Variants in OC90 observed in about 807,000 individuals in gnomAD.
OC90 encodes the protein otoconin 90, also known as otoconin-90.
In OC90, 46 loss-of-function variants were observed where a neutral mutation model predicts 47.3. The observed-to-expected ratio is 0.97, with a 90% CI of 0.77 to 1.24. The LOEUF (loss-of-function observed/expected upper bound fraction) is 1.24. OC90 is among the 50% of genes most tolerant of loss of function. OC90 has a pLI of 0.00. For missense variants in OC90, 688 were observed against 583.9 expected, an observed-to-expected ratio of 1.18 and a Z score of -1.84; for synonymous variants, 271 against 219.5, an observed-to-expected ratio of 1.23 and a Z score of -2.07.
At chr8:132,029,000 C>T in intron 13 of OC90, 73 bp downstream of exon 13, 1 of 1,041,396 alleles carries the variant, frequency 9.6e-7, no homozygotes, top group Non-Finnish European at 1.5e-6. Context: ...GGAAACCATC[C>T]ACAAGTCTGA....
At position 132,039,087 on chromosome 8, in the gene OC90, C is replaced by T; in HGVS notation, c.494G>A (p.Cys165Tyr). The T allele has an allele frequency of 1.9e-6, 3 of 1,613,068 alleles. No homozygotes were observed. Among genetic ancestry groups the T allele is most frequent in the Non-Finnish European group, 8.5e-7 (1 of 1,179,610 alleles). ...KDNCEHLLCT[C>Y]DKAAIECLAR... Reference sequence around the variant, plus strand: ...CAAGCACTCTATGGCAGCCTTATCACAGGTACACAGCAGGTGCTCACAGTT... The same window carrying T: ...CAAGCACTCTATGGCAGCCTTATCATAGGTACACAGCAGGTGCTCACAGTT... Residue 165 changes from cysteine (C) to tyrosine (Y), a missense_variant, in exon 7 of 14, where the codon TGT becomes TAT. By Grantham distance (194) the Cys-to-Tyr change is radical (BLOSUM62 -2). Coordinates refer to ENST00000254627, the MANE Select transcript of OC90 (RefSeq NM_001080399.3).
intron 2 of OC90, chr8:132,049,717 C>T (rs1245161456): frequency 2.2e-6 from 1 of 461,192 alleles, no homozygotes; most frequent in Non-Finnish European, 4.6e-6. Flanking sequence ...AGCTATATAA[C>T]CTTCTTCACA....
chr8:132,030,557 A>T (rs1822858975), intron 12 of OC90, among the ~76,000 whole-genome samples: 1 of 152,194 alleles, frequency 6.6e-6, no homozygotes, highest in Non-Finnish European at 1.5e-5. Flanking sequence ...GCCTTGTCTC[A>T]TTGAGGGCTA....
chr8:132,038,991 C>G lies in OC90; in HGVS notation c.586+4G>C, dbSNP rs1047123882. 2 of 1,613,838 alleles carry G rather than the reference C, an allele frequency of 1.2e-6. No homozygotes were observed. The highest frequency in any genetic ancestry group is 3.3e-5 in the Admixed American group (2 of 60,010). On this transcript the variant is annotated splice_donor_region_variant and intron_variant, in intron 7 of 13. Coordinates refer to ENST00000254627, the MANE Select transcript of OC90 (RefSeq NM_001080399.3). ...CACGGCTGATGCAGCCAGGTTCTTCCTACCTGGAGTCTGAGCCAGGCAGAA... is the reference window on the plus strand; with the variant it reads ...CACGGCTGATGCAGCCAGGTTCTTCGTACCTGGAGTCTGAGCCAGGCAGAA...
At chr8:132,050,804 C>T (rs574011437) in intron 2 of OC90, among the ~76,000 whole-genome samples, 2 of 152,098 alleles carry the variant, frequency 1.3e-5, no homozygotes, top group Non-Finnish European at 2.9e-5. Flanking sequence ...AGTTCAAGAC[C>T]AGCCTGACCA....
Position 132,031,903 on chromosome 8 carries a change from C to T in OC90, c.1009G>A (p.Glu337Lys), listed in dbSNP as rs764819731. ...GCYCGQEGRG[E>K]PRDDLDRCCL... is the part of the protein sequence containing the mutation. ...TACCTGTCTAGGTCATCCCTTGGCT[C>T]GCCTCTTCCTTCTTGTCCACAGTAA... Residue 337 changes from glutamate (E) to lysine (K), a missense_variant, in exon 12 of 14, where the codon GAG becomes AAG. Coordinates refer to ENST00000254627, the MANE Select transcript of OC90 (RefSeq NM_001080399.3). 1.2e-5 allele frequency: 20 copies of T among 1,613,916 alleles called. No homozygotes were observed. The East Asian group carries it at 2.0e-4, about 16-fold the overall frequency.
chr8:132,037,382 C>T, intron 9 of OC90, 56 bp downstream of exon 9: 3 of 1,408,082 alleles, frequency 2.1e-6, no homozygotes, highest in African/African-American at 1.4e-5. Context: ...CGTGTATAGT[C>T]CCTCCCCACT....
chr8:132,037,405 C>G, intron 9 of OC90, 33 bp downstream of exon 9: 1 of 1,556,500 alleles, frequency 6.4e-7, no homozygotes, highest in Non-Finnish European at 8.7e-7. Context: ...CATTGTGTGT[C>G]TTTGGGTTCC....
At position 132,038,819 on chromosome 8, in the gene OC90, T is replaced by G; in HGVS notation, c.599A>C (p.Lys200Thr). 1 of 1,613,888 alleles carries G rather than the reference T, an allele frequency of 6.2e-7. No individual in the cohort carries two copies. The highest frequency in any genetic ancestry group is 1.3e-5 in the African/African-American group (1 of 75,042). ...CLAQTPETTIKEDLTTLLPRV... is the reference protein window; with the variant it reads ...CLAQTPETTITEDLTTLLPRV... ...GGGCAGAAGTGTTGTCAAGTCTTCC[T>G]TGATGGTTGTCTCTGAAAAGAAAAC... The change falls in exon 8 of 14, where the codon AAG becomes ACG. Residue 200 changes from lysine to threonine, a missense_variant. Transcript: ENST00000254627.
chr8:132,024,724 T>C lies in OC90; in HGVS notation c.1191A>G (p.Ala397=), dbSNP rs1822730752. 1 of 1,613,912 alleles carries C rather than the reference T, an allele frequency of 6.2e-7. No individual in the cohort carries two copies. Among genetic ancestry groups the C allele is most frequent in the Middle Eastern group, 1.6e-4 (1 of 6,062 alleles). ...EKLLCACDQT[A]AECMTSASFN... ...AGGAGGCAGAGGTCATGCACTCAGC[T>C]GCCGTCTGGTCACAGGCACAGAGCA... The change falls in exon 14 of 14, where the codon GCA becomes GCG. Residue 397 remains alanine, a synonymous_variant. Coordinates refer to ENST00000254627, the MANE Select transcript of OC90 (RefSeq NM_001080399.3).
Position 132,038,998 on chromosome 8 carries a change from G to A in OC90, c.583C>T (p.Pro195Ser). ...LDTSFCLAQT[P>S]ETTIKEDLTT... Reference sequence around the variant, plus strand: ...GATGCAGCCAGGTTCTTCCTACCTGGAGTCTGAGCCAGGCAGAAGGAGGTG... The same window carrying A: ...GATGCAGCCAGGTTCTTCCTACCTGAAGTCTGAGCCAGGCAGAAGGAGGTG... Residue 195 changes from proline (P) to serine (S), a missense_variant, in exon 7 of 14, where the codon CCA becomes TCA. Physicochemically the swap from Pro to Ser is moderately conservative, Grantham distance 74 (BLOSUM62 -1). Transcript: ENST00000254627. 1 of 1,613,968 alleles carries A rather than the reference G, an allele frequency of 6.2e-7. No homozygotes were observed. The highest frequency in any genetic ancestry group is 8.5e-7 in the Non-Finnish European group (1 of 1,179,872).
chr8:132,037,837 C>G (rs1224019339), intron 8 of OC90, among the ~76,000 whole-genome samples: 2 of 152,204 alleles, frequency 1.3e-5, no homozygotes, highest in South Asian at 2.1e-4. Context: ...AGGATAAAAA[C>G]AGTGCTGGAC....
Position 132,029,189 on chromosome 8 carries a change from A to G in OC90, c.1032-10T>C. The G allele has an allele frequency of 6.2e-7, 1 of 1,607,116 alleles. No homozygotes were observed. The highest frequency in any genetic ancestry group is 8.5e-7 in the Non-Finnish European group (1 of 1,173,756). ...ATGGGACAAGCAGCACCTAAGACCA[A>G]GGAAAACCCTTTACTTCTCAGAGCT... On this transcript the variant is annotated splice_polypyrimidine_tract_variant and intron_variant, in intron 12 of 13. Coordinates refer to ENST00000254627, the MANE Select transcript of OC90 (RefSeq NM_001080399.3).
intron 13 of OC90, 75 bp from the exon 14 acceptor site, chr8:132,024,851 C>T: frequency 7.7e-7 from 1 of 1,295,010 alleles, no homozygotes; most frequent in Middle Eastern, 1.9e-4. Context: ...GCCCTGGCCA[C>T]CCCTCAGCCC....
At chr8:132,034,329 C>A (rs143259031) in intron 10 of OC90, among the ~76,000 whole-genome samples, 1 of 152,264 alleles carries the variant, frequency 6.6e-6, no homozygotes, top group East Asian at 1.9e-4. Context: ...ATCCTTCTAG[C>A]TAAATGCCTA....
chr8:132,030,359 C>T (rs1269704381), intron 12 of OC90, among the ~76,000 whole-genome samples: 1 of 152,128 alleles, frequency 6.6e-6, no homozygotes, highest in African/African-American at 2.4e-5. Context: ...CTCCTGTTGG[C>T]CTCAAGTTTT....
intron 11 of OC90, 133 bp downstream of exon 11, chr8:132,032,906 A>T: frequency 2.0e-6 from 2 of 1,000,104 alleles, no homozygotes; most frequent in Non-Finnish European, 2.9e-6. Context: ...GTGCTCATGC[A>T]GTCAGGGGGA....
intron 13 of OC90, among the ~76,000 whole-genome samples, chr8:132,028,595 GA>G (rs1563727458): frequency 6.4e-5 from 2 of 31,312 alleles, no homozygotes; most frequent in African/African-American, 1.9e-4. Flanking sequence ...AGGAAGGAAG[GA>G]AGGAGGGAAG....
chr8:132,047,552 C>T (rs1027371905), intron 2 of OC90, among the ~76,000 whole-genome samples: 2 of 151,998 alleles, frequency 1.3e-5, no homozygotes, highest in African/African-American at 4.8e-5. Context: ...AGTTTGTATG[C>T]ACATAATAGC....
Sources: gnomAD v4.1 joint callset for allele counts (sites outside exome capture counted in the v4.1 genomes callset) on GRCh38, gnomAD v4.1.1 for gene constraint, MANE v1.5 for transcripts, NCBI Gene and HGNC (gene_info 2026-07-23, HGNC 2026-07-21) for gene names.